Variants in ZNF737 observed in about 807,000 individuals in gnomAD.
The protein encoded by ZNF737 is zinc finger protein 737.
A neutral mutation model predicts 11.7 loss-of-function variants in ZNF737; 13 were observed. The ratio of observed to expected loss-of-function variants is 1.11; its 90% CI spans 0.73 to 1.77. ZNF737 has a LOEUF of 1.77. ZNF737 is among the 40% of genes most tolerant of loss of function. The pLI is 0.00. For synonymous variants in ZNF737, 217 were observed against 216.2 expected, an observed-to-expected ratio of 1.00 and a Z score of -0.03; for missense variants, 636 against 638.0, an observed-to-expected ratio of 1.00 and a Z score of 0.03.
In ZNF737 at chr19:20,555,191, TC is replaced by T. The variant is rs66511462; in HGVS notation, c.4-1357del. Among the ~76,000 whole-genome samples the T allele has an allele frequency of 6.7e-3, 898 of 134,762 alleles. 10 individuals carry two copies. Among genetic ancestry groups the T allele is most frequent in the African/African-American group, 0.023 (836 of 36,228 alleles). The allele number at this position is 134,762 out of a possible 152,430, so 88.4% of individuals were successfully genotyped here. A position where few individuals can be genotyped will look rare whatever the true frequency, so the allele number is the denominator to read the frequency against. On this transcript the variant is annotated intron_variant, in intron 1 of 3. Coordinates refer to ENST00000427401, the MANE Select transcript of ZNF737 (RefSeq NM_001159293.2). ...ATAAGGAATTTCTTTTCTTTTCTTT[TC>T]TTTTTTTTGATATGGAAAATCACTC...
At position 20,539,620 on chromosome 19, in the gene ZNF737, T is replaced by C; in HGVS notation, c.*4972A>G. On this transcript the variant is annotated 3_prime_UTR_variant, in exon 4 of 4. Transcript: ENST00000427401. ...TTCAAAAAATATTCATATTAATGTGTTTACAGTTTAATCTTGTATTACAGT... is the reference window on the plus strand; with the variant it reads ...TTCAAAAAATATTCATATTAATGTGCTTACAGTTTAATCTTGTATTACAGT... The C allele has an allele frequency of 1.0e-6, 1 of 959,572 alleles. No individual in the cohort carries two copies. Among genetic ancestry groups the C allele is most frequent in the African/African-American group, 1.8e-5 (1 of 56,800 alleles). 59.4% of individuals were successfully genotyped at this position (959,572 alleles called of 1,614,324 possible).
rs1271101110 is a variant in ZNF737 at position 20,541,909 on chromosome 19, G to A, written c.*2683C>T. ...ATAATGTAATTACTACATATTGTAGGCCTGAGTCAAAAGATGCCATATAAG... is the reference window on the plus strand; with the variant it reads ...ATAATGTAATTACTACATATTGTAGACCTGAGTCAAAAGATGCCATATAAG... On this transcript the variant is annotated 3_prime_UTR_variant, in exon 4 of 4. Transcript: ENST00000427401. 1 of 530,232 alleles carries A rather than the reference G, an allele frequency of 1.9e-6. No homozygotes were observed. The highest frequency in any genetic ancestry group is 2.4e-6 in the Non-Finnish European group (1 of 414,740). 32.8% of individuals were successfully genotyped at this position (530,232 alleles called of 1,614,324 possible).
At chr19:20,565,492 G>A in intron 1 of ZNF737, 146 bp downstream of exon 1, 1 of 1,405,734 alleles carries the variant, frequency 7.1e-7, no homozygotes, top group Non-Finnish European at 1.0e-6. Flanking sequence ...ATGGCTGAAC[G>A]GGACTGAGGC....
intron 3 of ZNF737, among the ~76,000 whole-genome samples, chr19:20,550,459 A>G (rs371054472): frequency 4.6e-5 from 7 of 152,258 alleles, no homozygotes; most frequent in African/African-American, 1.7e-4. Context: ...TGAATCTAAA[A>G]TTACAGACAA....
Position 20,542,894 on chromosome 19 carries a change from G to A in ZNF737, c.*1698C>T. The stretch of plus-strand genomic sequence containing the variant: ...GAAAGCTGTATTACATCATTATTCA[G>A]CTTTCAAAAAATTTTATTCAAGGAA... On this transcript the variant is annotated 3_prime_UTR_variant, in exon 4 of 4. Transcript: ENST00000427401. 8.1e-6 allele frequency: 8 copies of A among 985,138 alleles called. No individual in the cohort carries two copies. Among genetic ancestry groups the A allele is most frequent in the Non-Finnish European group, 9.6e-6 (8 of 829,748 alleles). The allele number at this position is 985,138 out of a possible 1,614,324, so 61.0% of individuals were successfully genotyped here.
At chr19:20,550,764 GAT>G (rs1968632332) in intron 3 of ZNF737, among the ~76,000 whole-genome samples, 1 of 152,216 alleles carries the variant, frequency 6.6e-6, no homozygotes, top group South Asian at 2.1e-4. Flanking sequence ...CTCTAAGGGA[GAT>G]TTGAGAGCTA....
downstream of ZNF737, among the ~76,000 whole-genome samples, chr19:20,537,213 T>C (rs1488602033): frequency 6.6e-6 from 1 of 151,924 alleles, no homozygotes; most frequent in East Asian, 1.9e-4. Flanking sequence ...TTCTTTTTCT[T>C]TTTTGAGATG....
intron 3 of ZNF737, among the ~76,000 whole-genome samples, chr19:20,551,690 TTAAA>T (rs1176473806): frequency 6.6e-6 from 1 of 151,648 alleles, no homozygotes; most frequent in African/African-American, 2.4e-5. Flanking sequence ...TAATATAGCA[TTAAA>T]TAATAAATTT....
downstream of ZNF737, among the ~76,000 whole-genome samples, chr19:20,536,414 A>G (rs1043841441): frequency 6.6e-6 from 1 of 152,212 alleles, no homozygotes; most frequent in Non-Finnish European, 1.5e-5. Context: ...ATAAGTATTC[A>G]ATTTATATCA....
At chr19:20,560,280 T>C (rs1969042425) in intron 1 of ZNF737, among the ~76,000 whole-genome samples, 1 of 151,218 alleles carries the variant, frequency 6.6e-6, no homozygotes, top group African/African-American at 2.4e-5. Context: ...GCCAGGGAGG[T>C]TGAGGCTAAA....
At position 20,546,797 on chromosome 19, in the gene ZNF737, T is replaced by G. The variant is rs550788274; in HGVS notation, c.227-821A>C. 5.9e-5 allele frequency among the ~76,000 whole-genome samples: 9 copies of G among 152,244 alleles called. No homozygotes were observed. In the East Asian group the frequency reaches 1.7e-3, roughly 29 times the overall value. ...CAAAAAACTGAGGAGAAAGGATCAC[T>G]TGAGTCCAGGAGGCTGAGGTTACAA... On this transcript the variant is annotated intron_variant, in intron 3 of 3. Coordinates refer to ENST00000427401, the MANE Select transcript of ZNF737 (RefSeq NM_001159293.2).
rs1487517525 is a variant in ZNF737 at position 20,539,907 on chromosome 19, A to G, written c.*4685T>C. On this transcript the variant is annotated 3_prime_UTR_variant, in exon 4 of 4. Coordinates refer to ENST00000427401, the MANE Select transcript of ZNF737 (RefSeq NM_001159293.2). ...ATCCCAGAGGCTGATCATTCACTACAGCTTACTAAATACTGTTCCATAATG... is the reference window on the plus strand; with the variant it reads ...ATCCCAGAGGCTGATCATTCACTACGGCTTACTAAATACTGTTCCATAATG... The G allele has an allele frequency of 5.1e-6, 5 of 983,954 alleles. No individual in the cohort carries two copies. In the African/African-American group the frequency reaches 8.8e-5, roughly 17 times the overall value. 61.0% of individuals were successfully genotyped at this position (983,954 alleles called of 1,614,324 possible).
rs376871132 is a variant in ZNF737, at chr19:20,544,053, A to C, written c.*539T>G. ...TGAGGTAGGAGAATGGCTTAAACCC[A>C]GGAGGCAGAGGTTGCAGTGAGCCGA... On this transcript the variant is annotated 3_prime_UTR_variant, in exon 4 of 4. Transcript: ENST00000427401. 21 of 814,300 alleles carry C rather than the reference A, an allele frequency of 2.6e-5. No individual in the cohort carries two copies. In the East Asian group the frequency reaches 1.0e-3, roughly 39 times the overall value. 50.4% of individuals were successfully genotyped at this position (814,300 alleles called of 1,614,324 possible).
In ZNF737 at chr19:20,538,208, T is replaced by C. The variant is rs1424050350; in HGVS notation, c.*6384A>G. On this transcript the variant is annotated 3_prime_UTR_variant, in exon 4 of 4. Transcript: ENST00000427401. ...ATTCTTAAATATCTGCTAAGCACAA[T>C]TAAAAAATCAATGTACTTTATGTTC... 2 of 174,888 alleles carry C rather than the reference T, an allele frequency of 1.1e-5. No homozygotes were observed. Among genetic ancestry groups the C allele is most frequent in the Non-Finnish European group, 2.3e-5 (2 of 88,866 alleles). 10.8% of individuals were successfully genotyped at this position (174,888 alleles called of 1,614,324 possible).
At chr19:20,560,098 G>A (rs1453385069) in intron 1 of ZNF737, among the ~76,000 whole-genome samples, 2 of 149,958 alleles carry the variant, frequency 1.3e-5, no homozygotes, top group Non-Finnish European at 3.0e-5. Context: ...CCCGGGAAGC[G>A]GAGCTTGCAG....
In ZNF737 at chr19:20,542,749, T is replaced by G; in HGVS notation, c.*1843A>C. 1.0e-6 allele frequency: 1 copy of G among 984,802 alleles called. No individual in the cohort carries two copies. The highest frequency in any genetic ancestry group is 1.2e-6 in the Non-Finnish European group (1 of 829,378). 61.0% of individuals were successfully genotyped at this position (984,802 alleles called of 1,614,324 possible). On this transcript the variant is annotated 3_prime_UTR_variant, in exon 4 of 4. Coordinates refer to ENST00000427401, the MANE Select transcript of ZNF737 (RefSeq NM_001159293.2). ...GCGTCTTACATTTTAATGTTCTTAC[T>G]ATTTTATAGAAAAAGTCATAATGTC...
At chr19:20,563,480 T>G (rs1969179677) in intron 1 of ZNF737, among the ~76,000 whole-genome samples, 1 of 123,982 alleles carries the variant, frequency 8.1e-6, no homozygotes, top group Non-Finnish European at 1.6e-5. Context: ...AAGAAGGAAG[T>G]GCTTACTTTT....
chr19:20,554,500 T>C (rs1178509485), intron 1 of ZNF737, among the ~76,000 whole-genome samples: 2 of 152,164 alleles, frequency 1.3e-5, no homozygotes, highest in African/African-American at 4.8e-5. Flanking sequence ...AGATACTTAA[T>C]AATGAAGAGA....
rs1599393877 is a variant in ZNF737 at position 20,538,813 on chromosome 19, T to C, written c.*5779A>G. 1 of 985,442 alleles carries C rather than the reference T, an allele frequency of 1.0e-6. No individual in the cohort carries two copies. Among genetic ancestry groups the C allele is most frequent in the South Asian group, 4.7e-5 (1 of 21,282 alleles). The allele number at this position is 985,442 out of a possible 1,614,324, so 61.0% of individuals were successfully genotyped here. On this transcript the variant is annotated 3_prime_UTR_variant, in exon 4 of 4. Coordinates refer to ENST00000427401, the MANE Select transcript of ZNF737 (RefSeq NM_001159293.2). ...TGCATAGCTAGATAATTACCAACTT[T>C]AGTCATACTATTTTTTAGCAACTAA...
Sources: allele counts gnomAD v4.1 joint callset (sites outside exome capture counted in the v4.1 genomes callset), GRCh38; gene constraint gnomAD v4.1.1; transcripts MANE v1.5; gene names NCBI Gene and HGNC (gene_info 2026-07-23, HGNC 2026-07-21).